The following PODNL1 variants were observed in gnomAD, a reference collection of about 807,000 sequenced individuals.
The protein encoded by PODNL1 is podocan like 1.
PODNL1 carries 50 observed loss-of-function variants against 45.1 expected under a neutral mutation model. That is an observed-to-expected ratio of 1.11 (90% CI 0.88 to 1.40). The LOEUF is 1.40. PODNL1 is among the 40% of genes most tolerant of loss of function. The probability of loss-of-function intolerance (pLI) is 0.00; values close to 1 mark genes in which losing one functional copy is unlikely to be tolerated. For synonymous variants in PODNL1, 406 were observed against 372.5 expected, an observed-to-expected ratio of 1.09 and a Z score of -1.04; for missense variants, 788 against 793.3, an observed-to-expected ratio of 0.99 and a Z score of 0.08.
rs977395008 is a variant in PODNL1, at chr19:13,934,485, C to G, written c.495-75G>C. 5.0e-6 allele frequency: 7 copies of G among 1,399,288 alleles called. No homozygotes were observed. The African/African-American group carries it at 7.3e-5, about 15-fold the overall frequency. The allele number at this position is 1,399,288 out of a possible 1,614,324, so 86.7% of individuals were successfully genotyped here. A position where few individuals can be genotyped will look rare whatever the true frequency, so the allele number is the denominator to read the frequency against. On this transcript the variant is annotated intron_variant, in intron 5 of 9. Transcript: ENST00000588872. Reference sequence around the variant, plus strand: ...CCCCACTCCCGCACCACACCCTGCTCAGGGTCGCCTTCAGTGTGTGTGTGT... The same window carrying G: ...CCCCACTCCCGCACCACACCCTGCTGAGGGTCGCCTTCAGTGTGTGTGTGT...
chr19:13,943,253 G>A (rs556169208), upstream of PODNL1, among the ~76,000 whole-genome samples: 2 of 149,514 alleles, frequency 1.3e-5, no homozygotes, highest in East Asian at 2.0e-4. Flanking sequence ...CTGAGATCGC[G>A]CCATTGCACT....
chr19:13,938,207 C>A lies in PODNL1; in HGVS notation c.-26G>T. On this transcript the variant is annotated 5_prime_UTR_variant, in exon 1 of 10. Coordinates refer to ENST00000588872, the MANE Select transcript of PODNL1 (RefSeq NM_001370095.3). ...GGCCAGCCCTGACTCTGCCATCTCG[C>A]CCAAGCTGCTGACCAGGACTTCCTA... 6.2e-7 allele frequency: 1 copy of A among 1,607,828 alleles called. No homozygotes were observed. Among genetic ancestry groups the A allele is most frequent in the Non-Finnish European group, 8.5e-7 (1 of 1,177,536 alleles).
rs573798998 is a variant in PODNL1 at position 13,935,582 on chromosome 19, C to T, written c.494+139G>A. 6.2e-5 allele frequency: 36 copies of T among 581,182 alleles called. No homozygotes were observed. The South Asian group carries it at 1.1e-3, about 18-fold the overall frequency. 36.0% of individuals were successfully genotyped at this position (581,182 alleles called of 1,614,324 possible). On this transcript the variant is annotated intron_variant, in intron 5 of 9. Transcript: ENST00000588872. ...CCCCAGATGATCCTCCCACCTTGGC[C>T]TCCCAAAGTGCTAGGATTACAGGAG...
At chr19:13,943,374 G>C (rs8102558), upstream of PODNL1, among the ~76,000 whole-genome samples, 8,114 of 152,188 alleles carry the variant, frequency 0.053, 674 homozygotes, top group African/African-American at 0.18. Context: ...AGGCAACTTG[G>C]TGTTTCCTGG....
chr19:13,949,486 G>GT (rs1284100411), intron 1 of PODNL1: 3 of 151,704 alleles, frequency 2.0e-5, no homozygotes, highest in African/African-American at 7.3e-5. Flanking sequence ...AAAAAAAAAT[G>GT]TTTTTTCATT....
Position 13,931,762 on chromosome 19 carries a change from C to T in PODNL1, c.1700G>A (p.Arg567His), listed in dbSNP as rs975799360. ...VLIRLPPTTP[R>H]GPRAGGP ...TCAGGGGCCCCCTGCCCGTGGCCCACGTGGGGTGGTGGGAGGCAGCCGGAT... is the reference window on the plus strand; with the variant it reads ...TCAGGGGCCCCCTGCCCGTGGCCCATGTGGGGTGGTGGGAGGCAGCCGGAT... The change falls in exon 10 of 10, where the codon CGT (arginine) becomes CAT (histidine). Residue 567 changes from arginine to histidine, a missense_variant. Arg to His is a conservative substitution (Grantham distance 29). This residue lies in a region of PODNL1 where 17 missense variants were observed against 16.7 expected (regional missense o/e 1.02). Coordinates refer to ENST00000588872, the MANE Select transcript of PODNL1 (RefSeq NM_001370095.3). 54 of 1,231,932 alleles carry T rather than the reference C, an allele frequency of 4.4e-5. No individual in the cohort carries two copies. In the East Asian group the frequency reaches 1.1e-3, roughly 26 times the overall value. 76.3% of individuals were successfully genotyped at this position (1,231,932 alleles called of 1,614,324 possible). A position where few individuals can be genotyped will look rare whatever the true frequency, so the allele number is the denominator to read the frequency against.
chr19:13,934,141 C>T, intron 6 of PODNL1, 113 bp downstream of exon 6: 5 of 1,372,712 alleles, frequency 3.6e-6, no homozygotes, highest in Non-Finnish European at 4.9e-6. Flanking sequence ...ATAACTCTGA[C>T]CACTGGCATT....
At chr19:13,948,810 G>T (rs1284714134) in intron 1 of PODNL1, among the ~76,000 whole-genome samples, 1 of 149,460 alleles carries the variant, frequency 6.7e-6, no homozygotes. Context: ...CAGGCATGGT[G>T]GCAGGCGCCT....
At position 13,931,859 on chromosome 19, in the gene PODNL1, C is replaced by T. The variant is rs912522744; in HGVS notation, c.1603G>A (p.Ala535Thr). Residue 535 changes from alanine to threonine, a missense_variant, in exon 10 of 10, where the codon GCG (alanine) becomes ACG (threonine). By Grantham distance (58) the Ala-to-Thr change is moderately conservative (BLOSUM62 0). This residue lies in a region of PODNL1 where 762 missense variants were observed against 750.9 expected (regional missense o/e 1.01). Coordinates refer to ENST00000588872, the MANE Select transcript of PODNL1 (RefSeq NM_001370095.3). ...GGGAGCCCCAGGAAGGCCTCAGCCG[C>T]GATGCTCGTCATGTGAAGCCTGTTG... ...RANRLHMTSIAAEAFLGLPNL... is the reference protein window; with the variant it reads ...RANRLHMTSITAEAFLGLPNL... 14 of 1,231,864 alleles carry T rather than the reference C, an allele frequency of 1.1e-5. No homozygotes were observed. Among genetic ancestry groups the T allele is most frequent in the Admixed American group, 4.2e-5 (1 of 23,712 alleles). 76.3% of individuals were successfully genotyped at this position (1,231,864 alleles called of 1,614,324 possible).
In PODNL1 at chr19:13,933,788, G is replaced by A; in HGVS notation, c.767+90C>T. Reference sequence around the variant, plus strand: ...GCAGGCACTCAGTAAATGAGGCCGTGGCTTAGGAGCCAGTCAGGGAAGGGG... The same window carrying A: ...GCAGGCACTCAGTAAATGAGGCCGTAGCTTAGGAGCCAGTCAGGGAAGGGG... On this transcript the variant is annotated intron_variant, in intron 7 of 9. Transcript: ENST00000588872. The surrounding 1 kb of genome is among the most constrained non-coding windows in gnomAD (Gnocchi z 5.2). 1 of 1,160,328 alleles carries A rather than the reference G, an allele frequency of 8.6e-7. No homozygotes were observed. The highest frequency in any genetic ancestry group is 1.5e-5 in the African/African-American group (1 of 65,526). 71.9% of individuals were successfully genotyped at this position (1,160,328 alleles called of 1,614,324 possible).
chr19:13,936,045 C>T lies in PODNL1; in HGVS notation c.320-1G>A. 1 of 1,549,840 alleles carries T rather than the reference C, an allele frequency of 6.5e-7. No individual in the cohort carries two copies. The highest frequency in any genetic ancestry group is 8.7e-7 in the Non-Finnish European group (1 of 1,147,438). ...GACTCGAAGGCCTCGTCAGGCAGGC[C>T]TGGGAGAGTAGGGGGGCAGTGAAGG... On this transcript the variant is annotated splice_acceptor_variant, in intron 3 of 9. Coordinates refer to ENST00000588872, the MANE Select transcript of PODNL1 (RefSeq NM_001370095.3). LOFTEE classifies it high-confidence loss of function.
Position 13,938,002 on chromosome 19 carries a change from G to C in PODNL1, c.8C>G (p.Pro3Arg), listed in dbSNP as rs747926297. Residue 3 changes from proline (P) to arginine (R), a missense_variant, in exon 2 of 10, where the codon CCG becomes CGG. Coordinates refer to ENST00000588872, the MANE Select transcript of PODNL1 (RefSeq NM_001370095.3). ...CAACAGCAGGAGCAGCAGCAGGCTC[G>C]GCCACTGCGGGGGAGGGAGGGTCAG... is the stretch of plus-strand genomic sequence containing the variant. MW[P>R]SLLLLLLLPG... 20 of 1,525,936 alleles carry C rather than the reference G, an allele frequency of 1.3e-5. No individual in the cohort carries two copies. Among genetic ancestry groups the C allele is most frequent in the African/African-American group, 2.7e-5 (2 of 72,802 alleles). The allele number at this position is 1,525,936 out of a possible 1,614,324, so 94.5% of individuals were successfully genotyped here.
upstream of PODNL1, among the ~76,000 whole-genome samples, chr19:13,940,255 C>T (rs1972609525): frequency 6.6e-6 from 1 of 151,740 alleles, no homozygotes. Context: ...GTGAGACCCC[C>T]GTCTCTAAAA....
chr19:13,949,856 G>A (rs993184858), intron 1 of PODNL1, among the ~76,000 whole-genome samples: 5 of 149,726 alleles, frequency 3.3e-5, no homozygotes, highest in Non-Finnish European at 5.9e-5. Flanking sequence ...ACCACACTCC[G>A]CTAAATTATT....
chr19:13,949,820 C>T (rs555990679), intron 1 of PODNL1, among the ~76,000 whole-genome samples: 11 of 151,792 alleles, frequency 7.2e-5, no homozygotes, highest in Admixed American at 2.6e-4. Context: ...CAGCCTCTTA[C>T]GTAGCTGGGA....
At position 13,933,099 on chromosome 19, in the gene PODNL1, G is replaced by T. The variant is rs375402993; in HGVS notation, c.1124C>A (p.Pro375Gln). 3 of 1,529,520 alleles carry T rather than the reference G, an allele frequency of 2.0e-6. No homozygotes were observed. The highest frequency in any genetic ancestry group is 2.4e-5 in the East Asian group (1 of 41,102). The allele number at this position is 1,529,520 out of a possible 1,614,324, so 94.7% of individuals were successfully genotyped here. ...GGCCAGGTTAAGCTCCGTCAGGCCC[G>T]GTGTGGCGACCAGGTCACGGGCACC... ...ALGARDLVAT[P>Q]GLTELNLAYN... is the part of the protein sequence containing the mutation. Residue 375 changes from proline to glutamine, a missense_variant, in exon 8 of 10, where the codon CCG becomes CAG. This residue lies in a region of PODNL1 where 762 missense variants were observed against 750.9 expected (regional missense o/e 1.01). Coordinates refer to ENST00000588872, the MANE Select transcript of PODNL1 (RefSeq NM_001370095.3). The surrounding 1 kb of genome is among the most constrained non-coding windows in gnomAD (Gnocchi z 5.2).
chr19:13,938,438 C>A, upstream of PODNL1: 1 of 1,297,758 alleles, frequency 7.7e-7, no homozygotes, highest in Non-Finnish European at 9.8e-7. Context: ...TCCCCCCCAA[C>A]AACCACCCCA....
chr19:13,948,230 G>A (rs1287937291), intron 1 of PODNL1, among the ~76,000 whole-genome samples: 1 of 144,320 alleles, frequency 6.9e-6, no homozygotes, highest in African/African-American at 2.6e-5. Context: ...ACGGAGTCTT[G>A]ATCAGTCGCC....
In PODNL1 at chr19:13,933,264, C is replaced by G; in HGVS notation, c.959G>C (p.Gly320Ala). 1 of 1,559,600 alleles carries G rather than the reference C, an allele frequency of 6.4e-7. No individual in the cohort carries two copies. Among genetic ancestry groups the G allele is most frequent in the Non-Finnish European group, 8.6e-7 (1 of 1,157,782 alleles). Residue 320 changes from glycine (G) to alanine (A), a missense_variant, in exon 8 of 10, where the codon GGG becomes GCG. By Grantham distance (60) the Gly-to-Ala change is moderately conservative. Transcript: ENST00000588872. The surrounding 1 kb of genome is among the most constrained non-coding windows in gnomAD (Gnocchi z 5.2). ...CGGCCGCAGAGCCCCGGCGGGCAGC[C>G]CTGAGCTCCCCAGCTGGTTGTGCTG... ...LLQHNQLGSS[G>A]LPAGALRPLR...
Sources: gnomAD v4.1 joint callset for allele counts (sites outside exome capture counted in the v4.1 genomes callset) on GRCh38, gnomAD v4.1.1 for gene constraint, gnomAD v4.1.1 regional missense constraint, Gnocchi (gnomAD v3.1) non-coding constraint, MANE v1.5 for transcripts, NCBI Gene and HGNC (gene_info 2026-07-23, HGNC 2026-07-21) for gene names.